The following PPP1R17 variants were observed in gnomAD, a reference collection of about 807,000 sequenced individuals.
PPP1R17 encodes protein phosphatase 1 regulatory subunit 17, also known as G-substrate.
In PPP1R17, 12 loss-of-function variants were observed where a neutral mutation model predicts 15.9. The ratio of observed to expected loss-of-function variants is 0.75; its 90% confidence interval spans 0.48 to 1.22. The LOEUF (loss-of-function observed/expected upper bound fraction) is 1.22. Ranked by LOEUF, PPP1R17 falls within the 50% of genes most tolerant of loss-of-function variation. The pLI is 0.00. For synonymous variants in PPP1R17, 63 were observed against 64.5 expected (o/e 0.98, Z 0.11); for missense variants, 211 against 187.3 (o/e 1.13, Z -0.74).
chr7:31,691,761 TCTTTA>T (rs1370630761), intron 1 of PPP1R17, among the ~76,000 whole-genome samples: 3 of 146,732 alleles, frequency 2.0e-5, no homozygotes, highest in Non-Finnish European at 4.5e-5. Flanking sequence ...GGAGGTAGTC[TCTTTA>T]CTTTATACAA....
intron 4 of PPP1R17, among the ~76,000 whole-genome samples, chr7:31,700,476 C>T (rs10239046): frequency 0.034 from 5,108 of 152,244 alleles, 126 homozygotes; most frequent in Non-Finnish European, 0.054. Context: ...GAAGCCATCT[C>T]CCATAAAAGT....
At chr7:31,691,795 AT>A (rs1328886409) in intron 1 of PPP1R17, among the ~76,000 whole-genome samples, 1 of 93,718 alleles carries the variant, frequency 1.1e-5, no homozygotes, top group Admixed American at 1.1e-4. Flanking sequence ...GAATGTAATG[AT>A]TAAAAAAAAA....
intron 4 of PPP1R17, 44 bp from the exon 5 acceptor site, chr7:31,707,160 T>G: frequency 6.4e-7 from 1 of 1,566,978 alleles, no homozygotes; most frequent in Non-Finnish European, 8.8e-7. Context: ...GCCTAATGTT[T>G]TAATTAGAGG....
rs575806986 is a variant in PPP1R17 at position 31,688,505 on chromosome 7, C to T, written c.-37+1199C>T. Among the ~76,000 whole-genome samples, 5 of 152,356 alleles carry T rather than the reference C, an allele frequency of 3.3e-5. No homozygotes were observed. In the East Asian group the frequency reaches 7.7e-4, roughly 23 times the overall value. On this transcript the variant is annotated intron_variant, in intron 1 of 4. Transcript: ENST00000342032. The stretch of plus-strand genomic sequence containing the variant: ...AATGTGTTTCAGCTCCGCTGGTGTG[C>T]CTGCCTTTCTGCAATATAGTGGGGT...
At chr7:31,693,422 T>A (rs1276497833) in intron 2 of PPP1R17, among the ~76,000 whole-genome samples, 1 of 152,152 alleles carries the variant, frequency 6.6e-6, no homozygotes, top group African/African-American at 2.4e-5. Flanking sequence ...CTTTTAAAAT[T>A]GTGTTTGCAG....
intron 4 of PPP1R17, among the ~76,000 whole-genome samples, chr7:31,701,649 A>G (rs1267423021): frequency 6.6e-6 from 1 of 152,222 alleles, no homozygotes; most frequent in East Asian, 1.9e-4. Flanking sequence ...TGTTAAAGGA[A>G]GAGTCCATCA....
chr7:31,699,086 T>G (rs925027767), intron 4 of PPP1R17, among the ~76,000 whole-genome samples: 1 of 152,170 alleles, frequency 6.6e-6, no homozygotes, highest in African/African-American at 2.4e-5. Flanking sequence ...AATTAAATAT[T>G]TGGTGCTAAA....
rs867666546 is a variant in PPP1R17, at chr7:31,695,526, G to GA, written c.146dup (p.Asn49LysfsTer9). 3.7e-6 allele frequency: 6 copies of GA among 1,613,438 alleles called. No homozygotes were observed. Among genetic ancestry groups the GA allele is most frequent in the South Asian group, 1.1e-5 (1 of 91,008 alleles). ...GATCTCAAAAAGAAGCCTAGAAAGG[G>GA]AAAAAATGTACAGGCCACCCTGAAT... On this transcript the variant is annotated frameshift_variant, in exon 3 of 5. Coordinates refer to ENST00000342032, the MANE Select transcript of PPP1R17 (RefSeq NM_006658.5). LOFTEE classifies it high-confidence loss of function.
intron 1 of PPP1R17, among the ~76,000 whole-genome samples, chr7:31,692,192 A>T (rs1157674323): frequency 2.0e-5 from 3 of 152,192 alleles, no homozygotes; most frequent in African/African-American, 7.2e-5. Context: ...TTATGAATAA[A>T]TCTGTCAGTG....
chr7:31,703,058 G>T (rs1158691178), intron 4 of PPP1R17, among the ~76,000 whole-genome samples: 1 of 152,148 alleles, frequency 6.6e-6, no homozygotes, highest in Non-Finnish European at 1.5e-5. Context: ...AACTGTAAAA[G>T]CTTTCTTCAT....
chr7:31,696,250 C>T (rs1381666508), intron 3 of PPP1R17, among the ~76,000 whole-genome samples: 1 of 152,184 alleles, frequency 6.6e-6, no homozygotes, highest in Non-Finnish European at 1.5e-5. Flanking sequence ...CACTAATTTA[C>T]TGTCATCTCT....
intron 4 of PPP1R17, among the ~76,000 whole-genome samples, chr7:31,701,508 G>T (rs568431927): frequency 6.6e-6 from 1 of 152,288 alleles, no homozygotes; most frequent in Admixed American, 6.5e-5. Flanking sequence ...GACAACAAAG[G>T]GTTTAGAATA....
At chr7:31,698,003 T>C (rs1055863533) in intron 4 of PPP1R17, among the ~76,000 whole-genome samples, 2 of 152,152 alleles carry the variant, frequency 1.3e-5, no homozygotes, top group African/African-American at 4.8e-5. Flanking sequence ...AATGAACAGA[T>C]AAAATTATGA....
chr7:31,705,248 G>A (rs1309468559), intron 4 of PPP1R17, among the ~76,000 whole-genome samples: 3 of 152,206 alleles, frequency 2.0e-5, no homozygotes, highest in South Asian at 2.1e-4. Context: ...TAAGTTTCCA[G>A]GGTACCAAAA....
At position 31,705,169 on chromosome 7, in the gene PPP1R17, C is replaced by G. The variant is rs763048990; in HGVS notation, c.389-2035C>G. Reference sequence around the variant, plus strand: ...AGAAGGGCTGGCTGTGATGATTTAACAGGCTTTTCTTATTCCTGAAATCCC... The same window carrying G: ...AGAAGGGCTGGCTGTGATGATTTAAGAGGCTTTTCTTATTCCTGAAATCCC... On this transcript the variant is annotated intron_variant, in intron 4 of 4. Transcript: ENST00000342032. 1.3e-5 allele frequency among the ~76,000 whole-genome samples: 2 copies of G among 152,202 alleles called. 1 individual carries two copies. The highest frequency in any genetic ancestry group is 2.9e-5 in the Non-Finnish European group (2 of 68,028).
chr7:31,688,233 G>A (rs907811737), intron 1 of PPP1R17, among the ~76,000 whole-genome samples: 2 of 152,164 alleles, frequency 1.3e-5, no homozygotes, highest in Non-Finnish European at 2.9e-5. Flanking sequence ...CCATTTAACA[G>A]ATTTGAAAAC....
At chr7:31,689,101 G>T (rs1792227084) in intron 1 of PPP1R17, among the ~76,000 whole-genome samples, 1 of 152,304 alleles carries the variant, frequency 6.6e-6, no homozygotes, top group African/African-American at 2.4e-5. Flanking sequence ...AATTTAAACA[G>T]TCCTGATTTC....
intron 3 of PPP1R17, chr7:31,695,822 A>T: frequency 2.4e-6 from 1 of 417,092 alleles, no homozygotes; most frequent in East Asian, 4.0e-5. Context: ...TAATACAATA[A>T]AAGTTTATTT....
intron 4 of PPP1R17, among the ~76,000 whole-genome samples, chr7:31,701,906 A>C (rs1792863199): frequency 6.6e-6 from 1 of 152,234 alleles, no homozygotes; most frequent in Non-Finnish European, 1.5e-5. Context: ...CCTAACTTTT[A>C]TGTGCAATGG....
Sources: allele counts gnomAD v4.1 joint callset (sites outside exome capture counted in the v4.1 genomes callset), GRCh38; gene constraint gnomAD v4.1.1; transcripts MANE v1.5; gene names NCBI Gene and HGNC (gene_info 2026-07-23, HGNC 2026-07-21).